The following TJP2 variants were observed in gnomAD, a reference collection of about 807,000 sequenced individuals.
The protein encoded by TJP2 is Friedreich ataxia region gene X104 (tight junction protein ZO-2).
Under a neutral mutation model 133.1 loss-of-function variants are expected in TJP2, and 91 were observed. The ratio of observed to expected loss-of-function variants is 0.68; its 90% CI spans 0.58 to 0.81. TJP2 has a LOEUF of 0.81. Among genes scored for constraint, TJP2 ranks in the 40% least tolerant of loss-of-function variants. TJP2 has a pLI of 0.00. For synonymous variants in TJP2, 592 were observed against 583.4 expected, an observed-to-expected ratio of 1.01 and a Z score of -0.21; for missense variants, 1,541 against 1,565.6, an observed-to-expected ratio of 0.98 and a Z score of 0.26.
intron 17 of TJP2, among the ~76,000 whole-genome samples, chr9:69,245,348 G>A (rs1830847477): frequency 6.6e-6 from 1 of 152,188 alleles, no homozygotes; most frequent in Non-Finnish European, 1.5e-5. Context: ...GGCTTTAGAA[G>A]TGATAGTACA....
At chr9:69,216,256 C>A in intron 2 of TJP2, 83 bp from the exon 3 acceptor site, 1 of 1,543,632 alleles carries the variant, frequency 6.5e-7, no homozygotes, top group Admixed American at 1.7e-5. Flanking sequence ...ATTGATTTGA[C>A]CTTTATTTTA....
At chr9:69,182,788 CT>C (rs35602682) in intron 1 of TJP2, among the ~76,000 whole-genome samples, 14,564 of 129,206 alleles carry the variant, frequency 0.11, 613 homozygotes, top group South Asian at 0.15. Context: ...TGATGAATTT[CT>C]TTTTTTTTTT....
intron 1 of TJP2, chr9:69,145,652 T>C: frequency 9.0e-7 from 1 of 1,111,582 alleles, no homozygotes; most frequent in Non-Finnish European, 1.1e-6. Flanking sequence ...GTTCAGTTGC[T>C]TCAGGTGAAC....
At chr9:69,171,669 A>G (rs142017794), upstream of TJP2, among the ~76,000 whole-genome samples, 50 of 152,078 alleles carry the variant, frequency 3.3e-4, no homozygotes, top group African/African-American at 1.1e-3. Flanking sequence ...CAGTGCTTAC[A>G]CAGTTTATCA....
At chr9:69,238,873 C>A in intron 16 of TJP2, 84 bp downstream of exon 16, 1 of 1,147,242 alleles carries the variant, frequency 8.7e-7, no homozygotes, top group Non-Finnish European at 1.3e-6. Context: ...AGTATCTGTA[C>A]TTTTAATCAT....
intron 5 of TJP2, among the ~76,000 whole-genome samples, chr9:69,223,575 G>A (rs1829086727): frequency 6.6e-6 from 1 of 152,198 alleles, no homozygotes; most frequent in Non-Finnish European, 1.5e-5. Context: ...CCGAAGTGCT[G>A]GGATTACAGG....
Position 69,246,282 on chromosome 9 carries a change from T to C in TJP2, c.2567-408T>C, listed in dbSNP as rs1224118618. On this transcript the variant is annotated intron_variant, in intron 17 of 22. Coordinates refer to ENST00000377245, the MANE Select transcript of TJP2 (RefSeq NM_004817.4). ...CAACTTTATGTTTAAGTGTTACTTT[T>C]AGTATTTTATTGGAGGTAGCCAATA... is the stretch of plus-strand genomic sequence containing the variant. 3 of 255,426 alleles carry C rather than the reference T, an allele frequency of 1.2e-5. No individual in the cohort carries two copies. In the East Asian group the frequency reaches 2.9e-4, roughly 25 times the overall value. The allele number at this position is 255,426 out of a possible 1,614,324, so 15.8% of individuals were successfully genotyped here.
In TJP2 at chr9:69,221,307, C is replaced by A; in HGVS notation, c.763C>A (p.Arg255=). The A allele has an allele frequency of 6.2e-7, 1 of 1,604,948 alleles. No individual in the cohort carries two copies. Among genetic ancestry groups the A allele is most frequent in the South Asian group, 1.1e-5 (1 of 89,836 alleles). The part of the protein sequence containing the change: ...IDQDYERAYH[R]AYDPDYERAY... ...CCAGGACTACGAGCGAGCCTATCAC[C>A]GGGCCTACGACCCAGACTACGAGCG... Residue 255 remains arginine, a synonymous_variant, in exon 5 of 23, where the codon CGG becomes AGG. Coordinates refer to ENST00000377245, the MANE Select transcript of TJP2 (RefSeq NM_004817.4).
chr9:69,248,558 A>G (rs866089183), intron 19 of TJP2: 2 of 1,225,728 alleles, frequency 1.6e-6, no homozygotes, highest in Middle Eastern at 3.1e-4. Context: ...ATGTACTTGT[A>G]ACCTTTGATT....
In TJP2 at chr9:69,227,893, C is replaced by T. The variant is rs1412137957; in HGVS notation, c.1319+20C>T. 5 of 1,608,888 alleles carry T rather than the reference C, an allele frequency of 3.1e-6. No individual in the cohort carries two copies. The highest frequency in any genetic ancestry group is 4.3e-6 in the Non-Finnish European group (5 of 1,175,358). On this transcript the variant is annotated intron_variant, in intron 8 of 22. Transcript: ENST00000377245. ...GCCAAGGTAAGATGACATGAATATT[C>T]TCTTGTACATGTCATTGTGAATGTA...
intron 14 of TJP2, among the ~76,000 whole-genome samples, chr9:69,237,617 G>A (rs1407648638): frequency 3.3e-5 from 2 of 60,062 alleles, no homozygotes; most frequent in South Asian, 5.8e-4. Flanking sequence ...AGGAGTTTGA[G>A]TTTAGTCTGG....
chr9:69,247,929 C>T lies in TJP2; in HGVS notation c.2668-83C>T. ...GCACATCAAGGTTTCAGTCGCTTGG[C>T]TGTGTCCTTGGGAATTTTCTTGAGT... On this transcript the variant is annotated intron_variant, in intron 18 of 22. Transcript: ENST00000377245. 4 of 1,379,828 alleles carry T rather than the reference C, an allele frequency of 2.9e-6. No individual in the cohort carries two copies. In the South Asian group the frequency reaches 4.5e-5, roughly 15 times the overall value. 85.5% of individuals were successfully genotyped at this position (1,379,828 alleles called of 1,614,324 possible).
chr9:69,234,576 T>TTTGTG, intron 12 of TJP2, 29 bp downstream of exon 12: 1 of 229,722 alleles, frequency 4.4e-6, no homozygotes, highest in Non-Finnish European at 8.2e-6. Context: ...TTAGTTTAGT[T>TTTGTG]GGGGTGGGGG....
intron 11 of TJP2, among the ~76,000 whole-genome samples, chr9:69,232,467 G>T (rs1042780745): frequency 3.9e-5 from 6 of 152,182 alleles, no homozygotes; most frequent in Non-Finnish European, 8.8e-5. Flanking sequence ...CCTTCAAGTA[G>T]AAAAGTGCTG....
At chr9:69,230,332 A>C in intron 11 of TJP2, 100 bp downstream of exon 11, 3 of 1,492,646 alleles carry the variant, frequency 2.0e-6, no homozygotes, top group Non-Finnish European at 2.8e-6. Flanking sequence ...CAGCTGGTGA[A>C]ATAGAGCAGC....
intron 1 of TJP2, among the ~76,000 whole-genome samples, chr9:69,199,017 G>T (rs1008303682): frequency 1.3e-5 from 2 of 152,168 alleles, no homozygotes; most frequent in Non-Finnish European, 2.9e-5. Flanking sequence ...TTCCTGTTTT[G>T]TTATTAGACA....
At chr9:69,227,480 A>G (rs1418910204) in intron 7 of TJP2, among the ~76,000 whole-genome samples, 2 of 152,222 alleles carry the variant, frequency 1.3e-5, no homozygotes, top group Admixed American at 6.5e-5. Context: ...GTATACATCT[A>G]TGATCCAATA....
Position 69,225,380 on chromosome 9 carries a change from C to T in TJP2, c.1029C>T (p.Asn343=), listed in dbSNP as rs753334892. Residue 343 remains asparagine (N), a synonymous_variant, in exon 6 of 23, where the codon AAC becomes AAT. Coordinates refer to ENST00000377245, the MANE Select transcript of TJP2 (RefSeq NM_004817.4). ...CGGGTCTGGCAACTAAAGATGGCAA[C>T]CTTCACGAAGGAGACATAATTCTCA... ...TRTGLATKDG[N]LHEGDIILKI... 4 of 1,613,616 alleles carry T rather than the reference C, an allele frequency of 2.5e-6. No individual in the cohort carries two copies.
In TJP2 at chr9:69,194,443, C is replaced by CA. The variant is rs35970972; in HGVS notation, c.61-18097dup. ...TCTGCCATAGCATTAGTTATACTAG[C>CA]AAAAAAAAGGAAATGGCTTAAATGA... On this transcript the variant is annotated intron_variant, in intron 1 of 22. Transcript: ENST00000377245. Among the ~76,000 whole-genome samples the CA allele has an allele frequency of 5.8e-4, 88 of 150,818 alleles. No individual in the cohort carries two copies. In the East Asian group the frequency reaches 0.01, roughly 18 times the overall value.
Sources: gnomAD v4.1 joint callset for allele counts (sites outside exome capture counted in the v4.1 genomes callset) on GRCh38, gnomAD v4.1.1 for gene constraint, MANE v1.5 for transcripts, NCBI Gene and HGNC (gene_info 2026-07-23, HGNC 2026-07-21) for gene names.